The following ADAM28 variants were observed in gnomAD, a reference collection of about 807,000 sequenced individuals.
The protein encoded by ADAM28 is disintegrin and metalloproteinase domain-containing protein 28.
In ADAM28, 105 loss-of-function variants were observed where a neutral mutation model predicts 101.2. The ratio of observed to expected loss-of-function variants is 1.04; its 90% CI spans 0.89 to 1.22. ADAM28 has a LOEUF of 1.22. Ranked by LOEUF, ADAM28 falls within the 50% of genes most tolerant of loss-of-function variation. The probability of loss-of-function intolerance (pLI) is 0.00; values close to 1 mark genes in which losing one functional copy is unlikely to be tolerated. For synonymous variants in ADAM28, 322 were observed against 310.6 expected, an observed-to-expected ratio of 1.04 and a Z score of -0.39; for missense variants, 1,028 against 945.4, an observed-to-expected ratio of 1.09 and a Z score of -1.15.
At chr8:24,347,628 C>T (rs556775871) in intron 18 of ADAM28, among the ~76,000 whole-genome samples, 6 of 152,100 alleles carry the variant, frequency 3.9e-5, no homozygotes, top group Admixed American at 1.3e-4. Context: ...AAATACCCCC[C>T]ACTGTAATTG....
At chr8:24,352,755 T>C (rs1474402202) in intron 21 of ADAM28, among the ~76,000 whole-genome samples, 1 of 152,186 alleles carries the variant, frequency 6.6e-6, no homozygotes, top group Admixed American at 6.6e-5. Flanking sequence ...TTCTCATGGG[T>C]GGGGTCATGG....
chr8:24,358,732 C>G lies in ADAM28; in HGVS notation c.*4328C>G, dbSNP rs868106554. On this transcript the variant is annotated 3_prime_UTR_variant, in exon 23 of 23. Coordinates refer to ENST00000265769, the MANE Select transcript of ADAM28 (RefSeq NM_014265.6). ...CTATTACTGTTAGTAGTATGCTAAG[C>G]GAATACTATTGTTATAAAAAAAATC... 1.3e-5 allele frequency: 2 copies of G among 152,058 alleles called. No individual in the cohort carries two copies. The highest frequency in any genetic ancestry group is 2.4e-5 in the African/African-American group (1 of 41,402). 9.4% of individuals were successfully genotyped at this position (152,058 alleles called of 1,614,324 possible).
chr8:24,352,159 A>C, intron 21 of ADAM28, 107 bp downstream of exon 21: 2 of 937,212 alleles, frequency 2.1e-6, no homozygotes, highest in South Asian at 1.5e-5. Context: ...CAATATTGAA[A>C]TCTATGTGAA....
chr8:24,308,019 T>A (rs1040761139), intron 2 of ADAM28, among the ~76,000 whole-genome samples: 2 of 152,210 alleles, frequency 1.3e-5, no homozygotes, highest in Admixed American at 1.3e-4. Flanking sequence ...CCTTACAGAT[T>A]TGCTCCATCC....
rs1813343349 is a variant in ADAM28, at chr8:24,331,400, T to C, written c.1281+73T>C. On this transcript the variant is annotated intron_variant, in intron 12 of 22. Transcript: ENST00000265769. ...TAAGAAGATCAACTACAAAATAATG[T>C]GTGGCCCGCTATAACATTATAGGTT... is the stretch of plus-strand genomic sequence containing the variant. The C allele has an allele frequency of 2.1e-6, 3 of 1,414,396 alleles. No homozygotes were observed. The East Asian group carries it at 7.2e-5, about 34-fold the overall frequency. 87.6% of individuals were successfully genotyped at this position (1,414,396 alleles called of 1,614,324 possible).
intron 17 of ADAM28, 22 bp downstream of exon 17, chr8:24,343,203 C>A (rs190083616): frequency 9.3e-6 from 15 of 1,608,858 alleles, no homozygotes; most frequent in Non-Finnish European, 1.2e-5. Flanking sequence ...AAATATGTTT[C>A]CCTAAGCTCT....
Position 24,313,591 on chromosome 8 carries a change from C to T in ADAM28, c.576+11C>T. On this transcript the variant is annotated intron_variant, in intron 6 of 22. Coordinates refer to ENST00000265769, the MANE Select transcript of ADAM28 (RefSeq NM_014265.6). ...GCCACCAAACTAGTAGTATGTGTAA[C>T]TTTATTTATTTGAAATGCTCTCATG... The T allele has an allele frequency of 6.2e-7, 1 of 1,611,400 alleles. No homozygotes were observed. The highest frequency in any genetic ancestry group is 8.5e-7 in the Non-Finnish European group (1 of 1,178,600).
At chr8:24,299,780 A>G (rs2129234330) in intron 1 of ADAM28, 194 bp from the exon 2 acceptor site, 2 of 449,236 alleles carry the variant, frequency 4.5e-6, no homozygotes, top group East Asian at 7.3e-5. Context: ...GGCTAAAGTA[A>G]AACTTTAAGA....
chr8:24,314,406 A>G (rs575460465), intron 6 of ADAM28, among the ~76,000 whole-genome samples: 58 of 152,234 alleles, frequency 3.8e-4, no homozygotes, highest in African/African-American at 1.3e-3. Flanking sequence ...ATAGGAGATA[A>G]ATGAATATAG....
intron 19 of ADAM28, among the ~76,000 whole-genome samples, chr8:24,350,301 C>G (rs934496675): frequency 1.3e-5 from 2 of 152,070 alleles, no homozygotes; most frequent in African/African-American, 4.8e-5. Context: ...GAGCACTGTG[C>G]TAAGCACCGC....
In ADAM28 at chr8:24,354,703, T is replaced by C. The variant is rs960085521; in HGVS notation, c.*299T>C. ...TAATAGGAATTGATTCATTCTCTAATGAAAACAAAACATAAAAACATCACA... is the reference window on the plus strand; with the variant it reads ...TAATAGGAATTGATTCATTCTCTAACGAAAACAAAACATAAAAACATCACA... On this transcript the variant is annotated 3_prime_UTR_variant, in exon 23 of 23. Coordinates refer to ENST00000265769, the MANE Select transcript of ADAM28 (RefSeq NM_014265.6). 2.1e-5 allele frequency: 5 copies of C among 240,572 alleles called. No homozygotes were observed. The highest frequency in any genetic ancestry group is 1.1e-4 in the African/African-American group (5 of 43,996). 14.9% of individuals were successfully genotyped at this position (240,572 alleles called of 1,614,324 possible).
intron 13 of ADAM28, among the ~76,000 whole-genome samples, chr8:24,333,658 T>C (rs1321196955): frequency 6.6e-6 from 1 of 152,204 alleles, no homozygotes; most frequent in Non-Finnish European, 1.5e-5. Context: ...AAACTGATTG[T>C]ATCTCCCTTT....
intron 22 of ADAM28, among the ~76,000 whole-genome samples, chr8:24,354,146 C>A (rs964271503): frequency 2.6e-5 from 4 of 151,952 alleles, no homozygotes; most frequent in Non-Finnish European, 5.9e-5. Flanking sequence ...CCTTCTGGTC[C>A]CCTACCTTCT....
intron 6 of ADAM28, among the ~76,000 whole-genome samples, chr8:24,315,542 A>G (rs1811052646): frequency 6.6e-6 from 1 of 151,968 alleles, no homozygotes; most frequent in Admixed American, 6.6e-5. Flanking sequence ...AAGAAAGCCT[A>G]GGACTAGATG....
chr8:24,321,338 G>A (rs1248439870), intron 8 of ADAM28, 49 bp downstream of exon 8: 14 of 1,435,700 alleles, frequency 9.8e-6, no homozygotes, highest in Non-Finnish European at 1.3e-5. Flanking sequence ...GCTGGGAGAT[G>A]TCACTGGGTT....
At chr8:24,332,853 T>C in intron 13 of ADAM28, 104 bp downstream of exon 13, 1 of 559,730 alleles carries the variant, frequency 1.8e-6, no homozygotes, top group Non-Finnish European at 2.8e-6. Context: ...TTTTTCTTTA[T>C]ATAAAATGAT....
At chr8:24,349,176 C>T (rs932960103) in intron 18 of ADAM28, among the ~76,000 whole-genome samples, 12 of 152,140 alleles carry the variant, frequency 7.9e-5, no homozygotes, top group African/African-American at 2.7e-4. Flanking sequence ...AGAACGGTAA[C>T]TTTTGGCATT....
intron 14 of ADAM28, among the ~76,000 whole-genome samples, chr8:24,338,159 A>AT (rs1265669824): frequency 1.3e-5 from 2 of 152,200 alleles, no homozygotes; most frequent in Non-Finnish European, 2.9e-5. Context: ...AATTATGAGG[A>AT]TTTTTCAACC....
At chr8:24,353,891 G>A (rs1816468790) in intron 22 of ADAM28, 59 bp downstream of exon 22, 1 of 1,212,998 alleles carries the variant, frequency 8.2e-7, no homozygotes, top group Admixed American at 2.0e-5. Flanking sequence ...ACTGTCAAGA[G>A]AAGGCCCACC....
Sources: gnomAD v4.1 joint callset for allele counts (sites outside exome capture counted in the v4.1 genomes callset) on GRCh38, gnomAD v4.1.1 for gene constraint, MANE v1.5 for transcripts, NCBI Gene and HGNC (gene_info 2026-07-23, HGNC 2026-07-21) for gene names.